The following ESRRB variants were observed in gnomAD, a reference collection of about 807,000 sequenced individuals.
ESRRB encodes estrogen related receptor beta, also known as steroid hormone receptor ERR2.
Under a neutral mutation model 46.0 loss-of-function variants are expected in ESRRB, and 16 were observed. The ratio of observed to expected loss-of-function variants is 0.35; its 90% CI spans 0.24 to 0.53. The LOEUF is 0.53. Among genes scored for constraint, ESRRB ranks in the 20% least tolerant of loss-of-function variants. The pLI, the probability that ESRRB is intolerant of heterozygous loss-of-function variation, is 0.93. For synonymous variants in ESRRB, 246 were observed against 259.6 expected (o/e 0.95, Z 0.50); for missense variants, 488 against 607.4 (o/e 0.80, Z 2.07).
intron 1 of ESRRB, among the ~76,000 whole-genome samples, chr14:76,332,607 T>A (rs183581443): frequency 0.026 from 1,154 of 44,800 alleles, 76 homozygotes; most frequent in African/African-American, 0.12. Flanking sequence ...ATATTATATA[T>A]TTATATATTA....
chr14:76,419,045 C>T (rs1359083163), intron 1 of ESRRB, among the ~76,000 whole-genome samples: 6 of 148,084 alleles, frequency 4.1e-5, no homozygotes, highest in African/African-American at 1.5e-4. Context: ...GACGAGGTTT[C>T]ACTCTGTCAC....
At chr14:76,412,721 A>G (rs192718271) in intron 1 of ESRRB, among the ~76,000 whole-genome samples, 41 of 152,300 alleles carry the variant, frequency 2.7e-4, no homozygotes, top group Admixed American at 1.5e-3. Flanking sequence ...AAGATTTTCC[A>G]TTTACATAAG....
chr14:76,340,145 G>A (rs1275556160), intron 1 of ESRRB, among the ~76,000 whole-genome samples: 3 of 152,270 alleles, frequency 2.0e-5, no homozygotes, highest in African/African-American at 7.2e-5. Flanking sequence ...GGCCCAGAGA[G>A]TGGCCATTCA....
intron 1 of ESRRB, among the ~76,000 whole-genome samples, chr14:76,351,038 C>T (rs1458896401): frequency 6.6e-6 from 1 of 152,146 alleles, no homozygotes; most frequent in African/African-American, 2.4e-5. Flanking sequence ...GATGCTGAGA[C>T]CACAGGTTGG....
chr14:76,446,663 A>T (rs1439175076), intron 2 of ESRRB, among the ~76,000 whole-genome samples: 1 of 152,176 alleles, frequency 6.6e-6, no homozygotes, highest in Non-Finnish European at 1.5e-5. Flanking sequence ...GATGTGATTA[A>T]ACATTCCGTT....
At chr14:76,449,062 A>G (rs1244354074) in intron 2 of ESRRB, among the ~76,000 whole-genome samples, 1 of 152,148 alleles carries the variant, frequency 6.6e-6, no homozygotes, top group African/African-American at 2.4e-5. Flanking sequence ...AAATTTTATG[A>G]GAATGTATGC....
chr14:76,420,589 GTGTGTT>G (rs1219863743), intron 1 of ESRRB, among the ~76,000 whole-genome samples: 28 of 147,682 alleles, frequency 1.9e-4, no homozygotes, highest in African/African-American at 4.7e-4. Context: ...GTGTGTGTGT[GTGTGTT>G]TGTGTATGAG....
At chr14:76,333,714 G>A (rs1006379622) in intron 1 of ESRRB, among the ~76,000 whole-genome samples, 19 of 150,982 alleles carry the variant, frequency 1.3e-4, no homozygotes, top group Admixed American at 9.3e-4. Flanking sequence ...TTATCATTTC[G>A]ACATATAGGT....
In ESRRB at chr14:76,438,452, A is replaced by G. The variant is rs866648941; in HGVS notation, c.51-889A>G. 2.0e-5 allele frequency among the ~76,000 whole-genome samples: 3 copies of G among 152,164 alleles called. No individual in the cohort carries two copies. The South Asian group carries it at 6.2e-4, about 31-fold the overall frequency. ...CGAGGCGGGTGGATCACCTAAGGTC[A>G]GGAGATTGAGACCAGACTGGTCAAT... is the stretch of plus-strand genomic sequence containing the variant. On this transcript the variant is annotated intron_variant, in intron 1 of 6. Transcript: ENST00000644823.
chr14:76,382,428 C>A (rs1228100329), intron 1 of ESRRB, among the ~76,000 whole-genome samples: 1 of 152,136 alleles, frequency 6.6e-6, no homozygotes, highest in Non-Finnish European at 1.5e-5. Context: ...AATTTTCTGG[C>A]CTGGGTAGGG....
intron 1 of ESRRB, among the ~76,000 whole-genome samples, chr14:76,437,600 A>G (rs944304487): frequency 1.3e-5 from 2 of 152,122 alleles, no homozygotes; most frequent in East Asian, 3.9e-4. Flanking sequence ...TGCTCCAGGC[A>G]TAAGCATGAG....
intron 1 of ESRRB, among the ~76,000 whole-genome samples, chr14:76,379,364 C>T (rs150113796): frequency 1.2e-3 from 189 of 151,652 alleles, no homozygotes; most frequent in African/African-American, 4.3e-3. Flanking sequence ...CCCCACCGTC[C>T]GATGACCACT....
At chr14:76,413,579 G>A (rs1006323716) in intron 1 of ESRRB, among the ~76,000 whole-genome samples, 9 of 152,098 alleles carry the variant, frequency 5.9e-5, no homozygotes, top group South Asian at 2.1e-4. Context: ...CTCTGCACTC[G>A]CAGGTCCCAT....
chr14:76,420,763 C>T (rs537639351), intron 1 of ESRRB, among the ~76,000 whole-genome samples: 1 of 152,246 alleles, frequency 6.6e-6, no homozygotes, highest in African/African-American at 2.4e-5. Context: ...AAAGGGGTCC[C>T]CTGGAACCGG....
In ESRRB at chr14:76,482,659, C is replaced by T. The variant is rs1391878407; in HGVS notation, c.750C>T (p.Pro250=). The T allele has an allele frequency of 3.1e-6, 5 of 1,614,054 alleles. No homozygotes were observed. Among genetic ancestry groups the T allele is most frequent in the East Asian group, 2.2e-5 (1 of 44,884 alleles). The change falls in exon 5 of 7, where the codon CCC becomes CCT. Residue 250 remains proline, a synonymous_variant. Transcript: ENST00000644823. The surrounding 1 kb of genome is among the most constrained non-coding windows in gnomAD (Gnocchi z 4.3). ...AEPDKLYAMP[P]PGMPEGDIKA... is the part of the protein sequence containing the mutation. The stretch of plus-strand genomic sequence containing the variant: ...CGGACAAGCTCTATGCCATGCCTCC[C>T]CCTGGTATGCCTGAGGGGGACATCA...
chr14:76,313,023 C>T (rs1448775929), intron 1 of ESRRB, among the ~76,000 whole-genome samples: 2 of 152,174 alleles, frequency 1.3e-5, no homozygotes, highest in African/African-American at 4.8e-5. Flanking sequence ...GTCCTGTGTT[C>T]TCAGAGCCTT....
chr14:76,384,759 G>C (rs542352360), intron 1 of ESRRB, among the ~76,000 whole-genome samples: 27 of 152,278 alleles, frequency 1.8e-4, no homozygotes, highest in African/African-American at 5.8e-4. Context: ...GACAAGGGGG[G>C]GTTATGACTT....
intron 1 of ESRRB, among the ~76,000 whole-genome samples, chr14:76,362,128 C>A: frequency 6.6e-6 from 1 of 152,190 alleles, no homozygotes; most frequent in East Asian, 1.9e-4. Context: ...GTCAGGACTT[C>A]CACTTGGGAA....
At chr14:76,417,098 C>T (rs772532662) in intron 1 of ESRRB, among the ~76,000 whole-genome samples, 10 of 152,020 alleles carry the variant, frequency 6.6e-5, no homozygotes, top group Admixed American at 6.6e-5. Flanking sequence ...GATCATGCCA[C>T]AACAATCCAA....
Sources: allele counts gnomAD v4.1 joint callset (sites outside exome capture counted in the v4.1 genomes callset), GRCh38; gene constraint gnomAD v4.1.1; non-coding constraint Gnocchi (gnomAD v3.1); transcripts MANE v1.5; gene names NCBI Gene and HGNC (gene_info 2026-07-23, HGNC 2026-07-21).